Variants in FBXO9 observed in about 807,000 individuals in gnomAD.
FBXO9 encodes F-box protein 9.
A neutral mutation model predicts 63.7 loss-of-function variants in FBXO9; 43 were observed. The observed-to-expected ratio is 0.67, with a 90% CI of 0.53 to 0.87. FBXO9 has a LOEUF of 0.87. Ranked by LOEUF, FBXO9 falls within the 40% of genes least tolerant of loss-of-function variation. FBXO9 has a pLI of 0.00. For synonymous variants in FBXO9, 156 were observed against 171.7 expected (o/e 0.91, Z 0.72); for missense variants, 442 against 533.2 (o/e 0.83, Z 1.68).
chr6:53,076,036 G>A lies in FBXO9; in HGVS notation c.250-450G>A, dbSNP rs114337296. 3.7e-3 allele frequency among the ~76,000 whole-genome samples: 556 copies of A among 152,170 alleles called. 2 individuals carry two copies. Among genetic ancestry groups the A allele is most frequent in the Non-Finnish European group, 5.8e-3 (393 of 68,002 alleles). On this transcript the variant is annotated intron_variant, in intron 3 of 12. Transcript: ENST00000323557. ...TGGGATTACAGGCGTGAGCCACCGCGCCCAGCCAGATGCTAATATTTTTGA... is the reference window on the plus strand; with the variant it reads ...TGGGATTACAGGCGTGAGCCACCGCACCCAGCCAGATGCTAATATTTTTGA...
chr6:53,096,426 T>C (rs1342787441), intron 12 of FBXO9, among the ~76,000 whole-genome samples: 1 of 152,226 alleles, frequency 6.6e-6, no homozygotes, highest in African/African-American at 2.4e-5. Flanking sequence ...ATTGCCTCTT[T>C]GCAACCTTAA....
rs541414181 is a variant in FBXO9, at chr6:53,073,568, G to A, written c.178G>A (p.Ala60Thr). The stretch of plus-strand genomic sequence containing the variant: ...CAATTTAGAAAATCGACCTTGCAGA[G>A]CAGCAAGAGGCTCTCTCCAGAAAAC... ...SSNLENRPCR[A>T]ARGSLQKTSA... The change falls in exon 3 of 13, where the codon GCA becomes ACA. Residue 60 changes from alanine (A) to threonine (T), a missense_variant. Coordinates refer to ENST00000323557, the MANE Select transcript of FBXO9 (RefSeq NM_033480.3). The A allele has an allele frequency of 3.7e-6, 6 of 1,611,798 alleles. No homozygotes were observed. In the Admixed American group the frequency reaches 6.7e-5, roughly 18 times the overall value.
At chr6:53,065,825 C>T (rs1334440646) in intron 1 of FBXO9, 33 bp downstream of exon 1, 1 of 1,322,950 alleles carries the variant, frequency 7.6e-7, no homozygotes. Context: ...GGGTGGACGC[C>T]GCGGGGCGGG....
In FBXO9 at chr6:53,095,964, T is replaced by G. The variant is rs549396866; in HGVS notation, c.1205+300T>G. ...GGGAAGAATGGTACTTAGTCAGCTG[T>G]GAGCTGTCCATGTATGACTTAAAGC... On this transcript the variant is annotated intron_variant, in intron 12 of 12. Coordinates refer to ENST00000323557, the MANE Select transcript of FBXO9 (RefSeq NM_033480.3). Among the ~76,000 whole-genome samples, 3 of 152,342 alleles carry G rather than the reference T, an allele frequency of 2.0e-5. No individual in the cohort carries two copies. In the East Asian group the frequency reaches 5.8e-4, roughly 29 times the overall value.
chr6:53,070,904 C>A, intron 1 of FBXO9, 153 bp from the exon 2 acceptor site: 1 of 1,246,902 alleles, frequency 8.0e-7, no homozygotes. Flanking sequence ...AGTAAGGTCT[C>A]AAGTGCCCCC....
rs1410356929 is a variant in FBXO9, at chr6:53,070,971, A to G, written c.4-86A>G. The G allele has an allele frequency of 3.9e-6, 6 of 1,541,270 alleles. No individual in the cohort carries two copies. In the Admixed American group the frequency reaches 9.9e-5, roughly 25 times the overall value. ...AAGTGTTGACAGTATGGTACTAAAT[A>G]GAAAGTGGCTGAATGAGAAATGTAG... On this transcript the variant is annotated intron_variant, in intron 1 of 12. Transcript: ENST00000323557.
chr6:53,073,415 T>C, intron 2 of FBXO9, 66 bp from the exon 3 acceptor site: 1 of 1,358,914 alleles, frequency 7.4e-7, no homozygotes, highest in African/African-American at 1.4e-5. Flanking sequence ...TTGGACATAT[T>C]GATACATTGT....
intron 1 of FBXO9, among the ~76,000 whole-genome samples, chr6:53,069,442 C>T (rs1768831011): frequency 6.6e-6 from 1 of 152,200 alleles, no homozygotes. Flanking sequence ...ATGTTTGGAA[C>T]ATCTGTCACA....
At position 53,065,775 on chromosome 6, in the gene FBXO9, G is replaced by C; in HGVS notation, c.-15G>C. On this transcript the variant is annotated 5_prime_UTR_variant, in exon 1 of 13. Transcript: ENST00000323557. ...CACGGAGAGCCCCTCGAGCGCAGCA[G>C]GCCGCCCCGCCAGCATGGTAACCTG... The C allele has an allele frequency of 7.2e-7, 1 of 1,391,726 alleles. No individual in the cohort carries two copies. Among genetic ancestry groups the C allele is most frequent in the Non-Finnish European group, 9.3e-7 (1 of 1,072,956 alleles). The allele number at this position is 1,391,726 out of a possible 1,614,324, so 86.2% of individuals were successfully genotyped here.
In FBXO9 at chr6:53,100,074, CT is replaced by C. The variant is rs1242624185; in HGVS notation, c.*2245del. 3 of 152,084 alleles carry C rather than the reference CT, an allele frequency of 2.0e-5. No homozygotes were observed. Among genetic ancestry groups the C allele is most frequent in the African/African-American group, 7.2e-5 (3 of 41,410 alleles). 9.4% of individuals were successfully genotyped at this position (152,084 alleles called of 1,614,324 possible). A position where few individuals can be genotyped will look rare whatever the true frequency, so the allele number is the denominator to read the frequency against. ...TGACTTTCACTTATTTAACTTAGAA[CT>C]GGAAAAAGTAACTTTTTTCCAGATT... On this transcript the variant is annotated 3_prime_UTR_variant, in exon 13 of 13. Transcript: ENST00000323557.
At chr6:53,096,529 T>G (rs1373696653) in intron 12 of FBXO9, among the ~76,000 whole-genome samples, 2 of 152,218 alleles carry the variant, frequency 1.3e-5, no homozygotes, top group Non-Finnish European at 2.9e-5. Context: ...TTTTTCTTTC[T>G]CATCTTTGCC....
upstream of FBXO9, chr6:53,065,181 C>T (rs1298480217): frequency 1.3e-5 from 2 of 152,292 alleles, no homozygotes; most frequent in African/African-American, 2.4e-5. Flanking sequence ...GGGCCCACCC[C>T]TAAATTTGGG....
At chr6:53,096,603 C>CT (rs1197757870) in intron 12 of FBXO9, among the ~76,000 whole-genome samples, 3 of 151,252 alleles carry the variant, frequency 2.0e-5, no homozygotes, top group African/African-American at 7.3e-5. Flanking sequence ...TTTTTTTCTA[C>CT]TTTTCAAAGA....
intron 6 of FBXO9, 32 bp from the exon 7 acceptor site, chr6:53,082,472 G>T: frequency 7.1e-7 from 1 of 1,403,692 alleles, no homozygotes; most frequent in Non-Finnish European, 1.0e-6. Context: ...TGACATAGAG[G>T]AGAGTCACTG....
At chr6:53,078,137 C>T (rs550136765) in intron 4 of FBXO9, among the ~76,000 whole-genome samples, 1 of 152,300 alleles carries the variant, frequency 6.6e-6, no homozygotes, top group Non-Finnish European at 1.5e-5. Context: ...TTCCTCAACT[C>T]TGTGTCTTAG....
Position 53,065,465 on chromosome 6 carries a change from G to T in FBXO9, c.-325G>T. ...GGGGCAGCTCCGCGGCGGCGTCCGG[G>T]GTCTCCAGTAGGGCTGACGCTCCGG... On this transcript the variant is annotated 5_prime_UTR_variant, in exon 1 of 13. Transcript: ENST00000323557. 1 of 317,094 alleles carries T rather than the reference G, an allele frequency of 3.2e-6. No homozygotes were observed. Among genetic ancestry groups the T allele is most frequent in the East Asian group, 4.9e-5 (1 of 20,258 alleles). The allele number at this position is 317,094 out of a possible 1,614,324, so 19.6% of individuals were successfully genotyped here. A position where few individuals can be genotyped will look rare whatever the true frequency, so the allele number is the denominator to read the frequency against.
At chr6:53,068,835 A>T (rs1246907018) in intron 1 of FBXO9, among the ~76,000 whole-genome samples, 1 of 151,990 alleles carries the variant, frequency 6.6e-6, no homozygotes, top group Admixed American at 6.6e-5. Context: ...TTTTTTGTAG[A>T]GACGGGGTCT....
At position 53,100,853 on chromosome 6, in the gene FBXO9, A is replaced by G. The variant is rs1165712526; in HGVS notation, c.*3023A>G. ...TAATGGTAGTGTAAACGTTTTTGGA[A>G]TAAACATTCCTGTGGCTAAATCTTT... On this transcript the variant is annotated 3_prime_UTR_variant, in exon 13 of 13. Transcript: ENST00000323557. The G allele has an allele frequency of 2.0e-5, 3 of 152,020 alleles. No individual in the cohort carries two copies. The highest frequency in any genetic ancestry group is 7.3e-5 in the African/African-American group (3 of 41,298). 9.4% of individuals were successfully genotyped at this position (152,020 alleles called of 1,614,324 possible).
chr6:53,070,017 CTTTTT>C (rs1032693222), intron 1 of FBXO9, among the ~76,000 whole-genome samples: 1 of 109,372 alleles, frequency 9.1e-6, no homozygotes. Flanking sequence ...TTCTTTTTTC[CTTTTT>C]TTTTTTTTTT....
Sources: gnomAD v4.1 joint callset for allele counts (sites outside exome capture counted in the v4.1 genomes callset) on GRCh38, gnomAD v4.1.1 for gene constraint, MANE v1.5 for transcripts, NCBI Gene and HGNC (gene_info 2026-07-23, HGNC 2026-07-21) for gene names.